Variants in LAMC1 observed in about 807,000 individuals in gnomAD.
LAMC1 encodes the protein laminin subunit gamma 1, also known as laminin subunit gamma-1.
LAMC1 carries 38 observed loss-of-function variants against 173.6 expected under a neutral mutation model. The observed-to-expected ratio is 0.22, with a 90% CI of 0.17 to 0.29. The LOEUF is 0.29. Among genes scored for constraint, LAMC1 ranks in the 10% least tolerant of loss-of-function variants. The pLI is 1.00. For synonymous variants in LAMC1, 746 were observed against 749.1 expected, an observed-to-expected ratio of 1.00 and a Z score of 0.07; for missense variants, 1,824 against 2,051.8, an observed-to-expected ratio of 0.89 and a Z score of 2.14.
chr1:183,077,062 A>C (rs1326372843), intron 1 of LAMC1, among the ~76,000 whole-genome samples: 2 of 152,234 alleles, frequency 1.3e-5, no homozygotes, highest in Non-Finnish European at 2.9e-5. Context: ...GATGTAATTA[A>C]GAGATACTTT....
At chr1:183,034,593 TAGG>T (rs1369864712) in intron 1 of LAMC1, among the ~76,000 whole-genome samples, 3 of 152,160 alleles carry the variant, frequency 2.0e-5, no homozygotes, top group East Asian at 1.9e-4. Context: ...TTTAAATTGT[TAGG>T]AGAATACCTA....
chr1:183,045,682 A>G (rs1181328449), intron 1 of LAMC1, among the ~76,000 whole-genome samples: 11 of 151,986 alleles, frequency 7.2e-5, no homozygotes, highest in South Asian at 2.1e-4. Flanking sequence ...GATTCTCTCT[A>G]CCTGGGTTGC....
In LAMC1 at chr1:183,110,473, C is replaced by A. The variant is rs763509193; in HGVS notation, c.855-15C>A. 1.5e-5 allele frequency: 24 copies of A among 1,585,328 alleles called. No homozygotes were observed. In the African/African-American group the frequency reaches 3.1e-4, roughly 20 times the overall value. On this transcript the variant is annotated splice_polypyrimidine_tract_variant and intron_variant, in intron 3 of 27. Transcript: ENST00000258341. Reference sequence around the variant, plus strand: ...GCAGCTGTTCCATTTTTTGGAGTATCTCTTCTCTCCCCAGATGTAAATGTA... The same window carrying A: ...GCAGCTGTTCCATTTTTTGGAGTATATCTTCTCTCCCCAGATGTAAATGTA...
chr1:183,134,787 A>T lies in LAMC1; in HGVS notation c.3977A>T (p.Glu1326Val), dbSNP rs1656891424. 40 of 1,613,614 alleles carry T rather than the reference A, an allele frequency of 2.5e-5. No homozygotes were observed. Among genetic ancestry groups the T allele is most frequent in the Non-Finnish European group, 3.2e-5 (38 of 1,179,910 alleles). Residue 1326 changes from glutamate to valine, a missense_variant, in exon 23 of 28, where the codon GAG becomes GTG. Transcript: ENST00000258341. ...GKELEVKNLL[E>V]KGKTEQQTAD... is the part of the protein sequence containing the mutation. ...GAACTTGAAGTCAAGAACCTTCTGG[A>T]GAAAGGCAAGACTGAACAGCAGGTT...
chr1:183,116,916 T>G lies in LAMC1; in HGVS notation c.1564+13T>G, dbSNP rs1184554848. ...ACCTTTCAGATTGGTAATTTAGACCTCATCCCCCAACCTGTTAGAACTGTG... is the reference window on the plus strand; with the variant it reads ...ACCTTTCAGATTGGTAATTTAGACCGCATCCCCCAACCTGTTAGAACTGTG... On this transcript the variant is annotated intron_variant, in intron 8 of 27. Transcript: ENST00000258341. 6.2e-7 allele frequency: 1 copy of G among 1,609,744 alleles called. No homozygotes were observed. The highest frequency in any genetic ancestry group is 8.5e-7 in the Non-Finnish European group (1 of 1,177,038).
At chr1:183,040,512 A>AT (rs1654101682) in intron 1 of LAMC1, among the ~76,000 whole-genome samples, 1 of 152,224 alleles carries the variant, frequency 6.6e-6, no homozygotes, top group Admixed American at 6.5e-5. Context: ...AACTTGTTCC[A>AT]TTTTTTAAAA....
intron 26 of LAMC1, among the ~76,000 whole-genome samples, chr1:183,139,205 C>T (rs951571574): frequency 2.0e-5 from 3 of 152,210 alleles, no homozygotes; most frequent in African/African-American, 7.2e-5. Flanking sequence ...TGGTTTAGTT[C>T]AAAGGGTGAA....
At chr1:183,077,223 C>A (rs2102045853) in intron 1 of LAMC1, among the ~76,000 whole-genome samples, 1 of 152,182 alleles carries the variant, frequency 6.6e-6, no homozygotes, top group Admixed American at 6.5e-5. Context: ...GAAGTGATTC[C>A]TTTGAAGTAC....
chr1:183,123,102 G>A (rs3768620), intron 13 of LAMC1, among the ~76,000 whole-genome samples: 78,717 of 151,910 alleles, frequency 0.52, 21,086 homozygotes, highest in South Asian at 0.65. Context: ...TCGACCCTTT[G>A]TTTCTCCTCC....
intron 19 of LAMC1, 26 bp downstream of exon 19, chr1:183,130,575 G>A (rs1188945920): frequency 6.3e-7 from 1 of 1,594,424 alleles, no homozygotes; most frequent in Non-Finnish European, 8.6e-7. Context: ...CGTCTGAGGT[G>A]GGGATGGGGG....
intron 1 of LAMC1, among the ~76,000 whole-genome samples, chr1:183,099,009 TCTC>T (rs1369707337): frequency 2.0e-5 from 3 of 152,058 alleles, no homozygotes; most frequent in African/African-American, 7.2e-5. Flanking sequence ...TTCCCCTCCT[TCTC>T]CTCTTCTTTA....
At chr1:183,029,463 A>T (rs530176061) in intron 1 of LAMC1, among the ~76,000 whole-genome samples, 2 of 152,348 alleles carry the variant, frequency 1.3e-5, no homozygotes, top group Non-Finnish European at 2.9e-5. Context: ...TTTTGCAGCT[A>T]AAAATTCTGC....
chr1:183,121,113 T>A (rs1441089039), intron 11 of LAMC1, among the ~76,000 whole-genome samples: 1 of 152,102 alleles, frequency 6.6e-6, no homozygotes, highest in Non-Finnish European at 1.5e-5. Context: ...GGTACATGTG[T>A]GTGTTTTAAA....
intron 1 of LAMC1, among the ~76,000 whole-genome samples, chr1:183,072,606 CA>C (rs1655036576): frequency 6.6e-6 from 1 of 152,202 alleles, no homozygotes. Context: ...CAGGTTAAAA[CA>C]GGGGTCCCCA....
chr1:183,081,241 A>G (rs1333724318), intron 1 of LAMC1, among the ~76,000 whole-genome samples: 5 of 152,110 alleles, frequency 3.3e-5, no homozygotes, highest in African/African-American at 1.2e-4. Context: ...AGCCTATAAC[A>G]CAGTTCAGTT....
Position 183,126,111 on chromosome 1 carries a change from C to T in LAMC1, c.2802-9C>T. 1 of 1,610,854 alleles carries T rather than the reference C, an allele frequency of 6.2e-7. No homozygotes were observed. Among genetic ancestry groups the T allele is most frequent in the Non-Finnish European group, 8.5e-7 (1 of 1,179,024 alleles). ...TCTTGCCTGAGAAATGTCCTGTGTT[C>T]ATTTTCAGGTGTGACTGCCATGCCT... On this transcript the variant is annotated splice_polypyrimidine_tract_variant and intron_variant, in intron 15 of 27. Coordinates refer to ENST00000258341, the MANE Select transcript of LAMC1 (RefSeq NM_002293.4).
At position 183,136,452 on chromosome 1, in the gene LAMC1, T is replaced by A; in HGVS notation, c.4181T>A (p.Ile1394Asn). ...AEEALRKIPA[I>N]NQTITEANEK... is the part of the protein sequence containing the mutation. ...GAGGCACTAAGGAAGATTCCTGCCATCAACCAGACCATCACTGAAGCCAAT... is the reference window on the plus strand; with the variant it reads ...GAGGCACTAAGGAAGATTCCTGCCAACAACCAGACCATCACTGAAGCCAAT... The change falls in exon 25 of 28, where the codon ATC becomes AAC. Residue 1394 changes from isoleucine (I) to asparagine (N), a missense_variant. Coordinates refer to ENST00000258341, the MANE Select transcript of LAMC1 (RefSeq NM_002293.4). The A allele has an allele frequency of 6.2e-7, 1 of 1,614,176 alleles. No homozygotes were observed.
intron 2 of LAMC1, among the ~76,000 whole-genome samples, chr1:183,105,270 A>T (rs1373654938): frequency 6.6e-6 from 1 of 151,052 alleles, no homozygotes; most frequent in Non-Finnish European, 1.5e-5. Flanking sequence ...GAAAAGAAAA[A>T]GCAGAAGACC....
intron 1 of LAMC1, among the ~76,000 whole-genome samples, chr1:183,083,954 C>T (rs1655355933): frequency 6.6e-6 from 1 of 152,146 alleles, no homozygotes; most frequent in African/African-American, 2.4e-5. Flanking sequence ...TTATCTCAAG[C>T]CATGCATACT....
Sources: allele counts gnomAD v4.1 joint callset (sites outside exome capture counted in the v4.1 genomes callset), GRCh38; gene constraint gnomAD v4.1.1; transcripts MANE v1.5; gene names NCBI Gene and HGNC (gene_info 2026-07-23, HGNC 2026-07-21).